The following CCDC148 variants were observed in gnomAD, a reference collection of about 807,000 sequenced individuals.
The protein encoded by CCDC148 is coiled-coil domain-containing protein 148.
A neutral mutation model predicts 85.7 loss-of-function variants in CCDC148; 89 were observed. The ratio of observed to expected loss-of-function variants is 1.04; its 90% CI spans 0.87 to 1.24. The LOEUF is 1.24. Among genes scored for constraint, CCDC148 ranks in the 50% most tolerant of loss-of-function variants. The pLI, the probability that CCDC148 is intolerant of heterozygous loss-of-function variation, is 0.00. For missense variants in CCDC148, 692 were observed against 671.7 expected (o/e 1.03, Z -0.33); for synonymous variants, 230 against 213.9 (o/e 1.08, Z -0.66).
chr2:158,226,583 T>A (rs150365287), intron 10 of CCDC148, among the ~76,000 whole-genome samples: 2,360 of 152,134 alleles, frequency 0.016, 65 homozygotes, highest in African/African-American at 0.049. Flanking sequence ...TGAATCCAGC[T>A]GCACATCAAA....
At chr2:158,419,516 G>A (rs768337700) in intron 1 of CCDC148, among the ~76,000 whole-genome samples, 1 of 152,062 alleles carries the variant, frequency 6.6e-6, no homozygotes, top group African/African-American at 2.4e-5. Flanking sequence ...ACTAACTATG[G>A]CTTTGAACAA....
intron 11 of CCDC148, among the ~76,000 whole-genome samples, chr2:158,186,764 A>G (rs570976261): frequency 2.1e-4 from 32 of 151,870 alleles, no homozygotes; most frequent in Admixed American, 3.3e-4. Context: ...AACAATGGAA[A>G]TCTTGCTAGG....
chr2:158,328,921 G>T lies in CCDC148; in HGVS notation c.764+9805C>A, dbSNP rs571657612. 1.4e-4 allele frequency among the ~76,000 whole-genome samples: 22 copies of T among 151,736 alleles called. 1 individual carries two copies. In the East Asian group the frequency reaches 2.9e-3, roughly 20 times the overall value. ...TGTAGATTCTGGATATTAGCCCTTT[G>T]TCAGATGAGTAGAATGCAAAAATTT... On this transcript the variant is annotated intron_variant, in intron 7 of 13. Coordinates refer to ENST00000283233, the MANE Select transcript of CCDC148 (RefSeq NM_138803.4).
At chr2:158,180,604 G>A (rs182108063) in intron 11 of CCDC148, among the ~76,000 whole-genome samples, 289 of 152,200 alleles carry the variant, frequency 1.9e-3, no homozygotes, top group Admixed American at 2.8e-3. Context: ...TGGAGGCCAC[G>A]AGAGGGGAAG....
intron 2 of CCDC148, among the ~76,000 whole-genome samples, chr2:158,353,694 C>G (rs1344926897): frequency 6.6e-6 from 1 of 152,126 alleles, no homozygotes; most frequent in African/African-American, 2.4e-5. Flanking sequence ...CAAGGACACC[C>G]AGGAATTGAA....
At chr2:158,173,816 C>A (rs1414981271) in intron 13 of CCDC148, among the ~76,000 whole-genome samples, 1 of 152,022 alleles carries the variant, frequency 6.6e-6, no homozygotes, top group Admixed American at 6.6e-5. Context: ...AACCTGTATG[C>A]CATTGACTCC....
At chr2:158,261,917 A>G (rs555643809) in intron 9 of CCDC148, among the ~76,000 whole-genome samples, 2 of 152,138 alleles carry the variant, frequency 1.3e-5, no homozygotes, top group African/African-American at 4.8e-5. Flanking sequence ...CTGTTGGTGT[A>G]AGTGTAAATT....
At chr2:158,271,826 T>C (rs1402528403) in intron 9 of CCDC148, among the ~76,000 whole-genome samples, 2 of 152,176 alleles carry the variant, frequency 1.3e-5, no homozygotes, top group African/African-American at 4.8e-5. Context: ...ATGTGACTAC[T>C]AAGTATTTTT....
chr2:158,272,851 A>G (rs911574044), intron 9 of CCDC148, among the ~76,000 whole-genome samples: 16 of 152,224 alleles, frequency 1.1e-4, no homozygotes, highest in Non-Finnish European at 2.9e-5. Context: ...CAGAATTTGA[A>G]GTCTTGTGAT....
chr2:158,453,034 C>G (rs1688466849), intron 1 of CCDC148, among the ~76,000 whole-genome samples: 1 of 152,220 alleles, frequency 6.6e-6, no homozygotes, highest in Admixed American at 6.5e-5. Context: ...TTTCCTAATT[C>G]TCTCCCAACA....
At chr2:158,279,548 A>G (rs1411420416) in intron 9 of CCDC148, among the ~76,000 whole-genome samples, 10 of 152,202 alleles carry the variant, frequency 6.6e-5, no homozygotes, top group Admixed American at 6.5e-4. Context: ...GAAATGAATG[A>G]AATGAAGTGA....
intron 9 of CCDC148, among the ~76,000 whole-genome samples, chr2:158,299,337 A>G (rs1691340226): frequency 6.6e-6 from 1 of 152,148 alleles, no homozygotes; most frequent in African/African-American, 2.4e-5. Flanking sequence ...CTGGCAAAGG[A>G]CCCAAGGAAT....
chr2:158,358,069 GA>G (rs1354119456), intron 2 of CCDC148, among the ~76,000 whole-genome samples: 2 of 152,076 alleles, frequency 1.3e-5, no homozygotes, highest in Admixed American at 6.5e-5. Context: ...AGCACCTGAG[GA>G]CATATTTGTA....
At chr2:158,389,165 T>C (rs542332734) in intron 1 of CCDC148, among the ~76,000 whole-genome samples, 1 of 152,310 alleles carries the variant, frequency 6.6e-6, no homozygotes, top group African/African-American at 2.4e-5. Flanking sequence ...TAAATTCTCA[T>C]AGAGAACTTA....
chr2:158,305,755 TAAAAA>T (rs56227304), intron 9 of CCDC148, among the ~76,000 whole-genome samples: 2 of 87,872 alleles, frequency 2.3e-5, no homozygotes, highest in Admixed American at 1.3e-4. Context: ...CCCTGTCTCT[TAAAAA>T]AAAAAAAAAA....
intron 13 of CCDC148, among the ~76,000 whole-genome samples, chr2:158,172,770 C>T (rs556672293): frequency 6.6e-6 from 1 of 152,158 alleles, no homozygotes; most frequent in South Asian, 2.1e-4. Flanking sequence ...GTAGAAAATG[C>T]CTCCATCGAT....
chr2:158,450,707 T>C lies in CCDC148; in HGVS notation c.25+5708A>G, dbSNP rs560276121. On this transcript the variant is annotated intron_variant, in intron 1 of 13. Transcript: ENST00000283233. ...TGATTCCCTTGTGTAAAATGAGTTG[T>C]TATTTTCTTGCTGCCTCAAAATTTT... is the stretch of plus-strand genomic sequence containing the variant. Among the ~76,000 whole-genome samples, 31 of 152,320 alleles carry C rather than the reference T, an allele frequency of 2.0e-4. 1 individual carries two copies. The South Asian group carries it at 5.8e-3, about 29-fold the overall frequency.
At chr2:158,205,430 G>C (rs989242194) in intron 11 of CCDC148, among the ~76,000 whole-genome samples, 2 of 152,196 alleles carry the variant, frequency 1.3e-5, no homozygotes, top group African/African-American at 2.4e-5. Context: ...CAAAGCCCCA[G>C]ACAGCTGGCT....
In CCDC148 at chr2:158,345,252, C is replaced by T. The variant is rs1682936419; in HGVS notation, c.214G>A (p.Val72Met). The stretch of plus-strand genomic sequence containing the variant: ...AGCCTCTGGTATTCCTGCCACCACA[C>T]TTGCTTGTGTTGTTTTATTAGTGTT... ...EQTLIKQHKQ[V>M]WWQEYQRLNE... The change falls in exon 3 of 14, where the codon GTG (valine) becomes ATG (methionine). Residue 72 changes from valine to methionine, a missense_variant. Val to Met is a conservative substitution (Grantham distance 21). Transcript: ENST00000283233. The T allele has an allele frequency of 1.2e-6, 2 of 1,613,496 alleles. No individual in the cohort carries two copies. Among genetic ancestry groups the T allele is most frequent in the Admixed American group, 1.7e-5 (1 of 59,954 alleles).
Sources: gnomAD v4.1 joint callset for allele counts (sites outside exome capture counted in the v4.1 genomes callset) on GRCh38, gnomAD v4.1.1 for gene constraint, MANE v1.5 for transcripts, NCBI Gene and HGNC (gene_info 2026-07-23, HGNC 2026-07-21) for gene names.